CHD5: variants seen among roughly 807,000 people sequenced by gnomAD.
The protein encoded by CHD5 is chromodomain helicase DNA binding protein 5.
Under a neutral mutation model 230.3 loss-of-function variants are expected in CHD5, and 69 were observed. The ratio of observed to expected loss-of-function variants is 0.30; its 90% CI spans 0.25 to 0.37. The LOEUF is 0.37. CHD5 is among the 10% of genes least tolerant of loss of function. The probability of loss-of-function intolerance (pLI) is 1.00; values close to 1 mark genes in which losing one functional copy is unlikely to be tolerated. For missense variants in CHD5, 1,827 were observed against 2,622.8 expected, an observed-to-expected ratio of 0.70 and a Z score of 6.63; for synonymous variants, 1,064 against 1,065.9, an observed-to-expected ratio of 1.00 and a Z score of 0.03.
chr1:6,134,291 G>T lies in CHD5; in HGVS notation c.3013-32C>A. 2 of 1,607,110 alleles carry T rather than the reference G, an allele frequency of 1.2e-6. No homozygotes were observed. On this transcript the variant is annotated intron_variant, in intron 19 of 41. Coordinates refer to ENST00000262450, the MANE Select transcript of CHD5 (RefSeq NM_015557.3). The surrounding 1 kb of genome is among the most constrained non-coding windows in gnomAD (Gnocchi z 6.3). Reference sequence around the variant, plus strand: ...ACACAGCAGGAGGTGGGGCATTGGTGGGCTCCCCTCTCCTCTCTGACTCTG... The same window carrying T: ...ACACAGCAGGAGGTGGGGCATTGGTTGGCTCCCCTCTCCTCTCTGACTCTG...
intron 15 of CHD5, among the ~76,000 whole-genome samples, chr1:6,138,739 T>G (rs1666782607): frequency 1.3e-5 from 2 of 152,158 alleles, no homozygotes; most frequent in Admixed American, 1.3e-4. Flanking sequence ...TACCATATGA[T>G]CCGGCAGTTC....
chr1:6,119,177 C>T (rs1271934157), intron 33 of CHD5, among the ~76,000 whole-genome samples: 4 of 151,236 alleles, frequency 2.6e-5, no homozygotes, highest in Middle Eastern at 3.5e-3. Flanking sequence ...GACGGAATCT[C>T]GCTCTGTCAC....
intron 7 of CHD5, among the ~76,000 whole-genome samples, chr1:6,150,435 T>C (rs1253318976): frequency 1.6e-5 from 2 of 121,926 alleles, no homozygotes; most frequent in African/African-American, 7.8e-5. Context: ...GATGATAGGA[T>C]GGATGGATGG....
At chr1:6,175,240 G>A (rs925391637) in intron 1 of CHD5, among the ~76,000 whole-genome samples, 4 of 149,312 alleles carry the variant, frequency 2.7e-5, no homozygotes, top group African/African-American at 1.0e-4. Flanking sequence ...TTGGATTGTG[G>A]ATTGATGGAT....
rs147573083 is a variant in CHD5 at position 6,135,250 on chromosome 1, C to T, written c.2850G>A (p.Val950=). 25 of 1,613,976 alleles carry T rather than the reference C, an allele frequency of 1.5e-5. No homozygotes were observed. Among genetic ancestry groups the T allele is most frequent in the Non-Finnish European group, 2.0e-5 (24 of 1,180,024 alleles). Reference sequence around the variant, plus strand: ...CTCACTTCTGCATCTGGCTCAGCTCCACCCGGACAATGAGCTCGGTCTTGG... The same window carrying T: ...CTCACTTCTGCATCTGGCTCAGCTCTACCCGGACAATGAGCTCGGTCTTGG... ...MPAKTELIVR[V]ELSQMQKKYY... is the part of the protein sequence containing the mutation. The change falls in exon 18 of 42, where the codon GTG becomes GTA. Residue 950 remains valine, a synonymous_variant. Transcript: ENST00000262450.
Position 6,128,303 on chromosome 1 carries a change from C to T in CHD5, c.3731-85G>A. On this transcript the variant is annotated intron_variant, in intron 24 of 41. Coordinates refer to ENST00000262450, the MANE Select transcript of CHD5 (RefSeq NM_015557.3). This position sits in a 1 kb window ranked among gnomAD's most constrained non-coding sequence, Gnocchi z 7.8. ...CCAGGAACAGACTCCCAACAATGGC[C>T]CTTCCCATCCCCAGCAGGGGCTGCA... is the stretch of plus-strand genomic sequence containing the variant. The T allele has an allele frequency of 7.2e-7, 1 of 1,387,484 alleles. No individual in the cohort carries two copies. Among genetic ancestry groups the T allele is most frequent in the Non-Finnish European group, 1.0e-6 (1 of 999,064 alleles). 85.9% of individuals were successfully genotyped at this position (1,387,484 alleles called of 1,614,324 possible). A position where few individuals can be genotyped will look rare whatever the true frequency, so the allele number is the denominator to read the frequency against.
intron 1 of CHD5, among the ~76,000 whole-genome samples, chr1:6,173,311 A>G (rs1306068631): frequency 3.3e-5 from 5 of 151,774 alleles, no homozygotes; most frequent in African/African-American, 9.7e-5. Context: ...TCACCATGTT[A>G]GCCAGGATGG....
rs1666640693 is a variant in CHD5, at chr1:6,130,675, C to T, written c.3263-347G>A. Among the ~76,000 whole-genome samples the T allele has an allele frequency of 6.6e-6, 1 of 152,182 alleles. No individual in the cohort carries two copies. Among genetic ancestry groups the T allele is most frequent in the Admixed American group, 6.5e-5 (1 of 15,288 alleles). ...GAGAGCTCAGAGTCCTTCATGTCCC[C>T]GCAGCTTCCCACCCCTGGCTTCCCT... is the stretch of plus-strand genomic sequence containing the variant. On this transcript the variant is annotated intron_variant, in intron 21 of 41. Coordinates refer to ENST00000262450, the MANE Select transcript of CHD5 (RefSeq NM_015557.3). This position sits in a 1 kb window ranked among gnomAD's most constrained non-coding sequence, Gnocchi z 4.9.
chr1:6,165,673 T>C (rs774205544), intron 2 of CHD5, among the ~76,000 whole-genome samples: 1 of 151,356 alleles, frequency 6.6e-6, no homozygotes, highest in Non-Finnish European at 1.5e-5. Context: ...CAGAGCCATC[T>C]ACCCCATGCC....
chr1:6,111,865 T>C lies in CHD5; in HGVS notation c.5159A>G (p.Gln1720Arg), dbSNP rs1666296632. The change falls in exon 36 of 42, where the codon CAG (glutamine) becomes CGG (arginine). Residue 1720 changes from glutamine to arginine, a missense_variant. Physicochemically the swap from Gln to Arg is conservative, Grantham distance 43. Transcript: ENST00000262450. Reference sequence around the variant, plus strand: ...GGATACAGCAGCCCGCTCCTCGTTCTGCCACAGCGTGTGCAACTCTGGGAA... The same window carrying C: ...GGATACAGCAGCCCGCTCCTCGTTCCGCCACAGCGTGTGCAACTCTGGGAA... ...GGFTELHTLW[Q>R]NEERAAVSSG... 9 of 1,613,144 alleles carry C rather than the reference T, an allele frequency of 5.6e-6. No homozygotes were observed. The highest frequency in any genetic ancestry group is 1.3e-5 in the African/African-American group (1 of 74,928).
chr1:6,160,931 C>T (rs769353148), intron 2 of CHD5, among the ~76,000 whole-genome samples: 20 of 152,216 alleles, frequency 1.3e-4, no homozygotes, highest in Non-Finnish European at 2.5e-4. Flanking sequence ...CCTCCACAGC[C>T]CCTTCCCAGG....
intron 34 of CHD5, among the ~76,000 whole-genome samples, 156 bp from the exon 35 acceptor site, chr1:6,112,433 G>A (rs1357540996): frequency 6.6e-6 from 1 of 152,156 alleles, no homozygotes; most frequent in Non-Finnish European, 1.5e-5. Context: ...ACAAGCCAAC[G>A]GCCTCTCTCT....
intron 33 of CHD5, among the ~76,000 whole-genome samples, chr1:6,116,192 C>T (rs1271707668): frequency 6.6e-6 from 1 of 152,168 alleles, no homozygotes; most frequent in East Asian, 1.9e-4. Flanking sequence ...TGGTTCATTG[C>T]TTGTGTCCTC....
chr1:6,112,010 G>C (rs1281056159), intron 35 of CHD5, 127 bp from the exon 36 acceptor site: 1 of 1,389,088 alleles, frequency 7.2e-7, no homozygotes, highest in East Asian at 2.3e-5. Flanking sequence ...TTCCAGGGTG[G>C]CTAAGAAAGG....
At chr1:6,174,373 C>T (rs4908861) in intron 1 of CHD5, among the ~76,000 whole-genome samples, 21,385 of 152,044 alleles carry the variant, frequency 0.14, 3,013 homozygotes, top group African/African-American at 0.37. Flanking sequence ...GATGGGTGGA[C>T]GGATAATTGT....
At chr1:6,159,803 C>G (rs897893635) in intron 2 of CHD5, among the ~76,000 whole-genome samples, 2 of 152,276 alleles carry the variant, frequency 1.3e-5, no homozygotes, top group Non-Finnish European at 2.9e-5. Context: ...GCAGGCTTCT[C>G]CATCTGCAAG....
chr1:6,130,064 C>G lies in CHD5; in HGVS notation c.3387+140G>C, dbSNP rs1043219974. On this transcript the variant is annotated intron_variant, in intron 22 of 41. Coordinates refer to ENST00000262450, the MANE Select transcript of CHD5 (RefSeq NM_015557.3). The surrounding 1 kb of genome is among the most constrained non-coding windows in gnomAD (Gnocchi z 4.9). ...TCACTCCCAGAGCCCCTCTTGGGGC[C>G]GAGACTCCACGGGGGAGGGAGGCCC... 1.0e-6 allele frequency: 1 copy of G among 974,162 alleles called. No individual in the cohort carries two copies. Among genetic ancestry groups the G allele is most frequent in the East Asian group, 2.5e-5 (1 of 40,806 alleles). The allele number at this position is 974,162 out of a possible 1,614,324, so 60.3% of individuals were successfully genotyped here. A position where few individuals can be genotyped will look rare whatever the true frequency, so the allele number is the denominator to read the frequency against.
chr1:6,121,316 G>C lies in CHD5; in HGVS notation c.4780-79C>G, dbSNP rs1040976165. The C allele has an allele frequency of 1.3e-6, 2 of 1,562,730 alleles. No homozygotes were observed. Among genetic ancestry groups the C allele is most frequent in the Non-Finnish European group, 1.7e-6 (2 of 1,151,716 alleles). ...AGGGCGGGGAACGTGCGCTGGGCTG[G>C]GAACCCAGTCTCCTGGCTCCCGTCG... On this transcript the variant is annotated intron_variant, in intron 32 of 41. Coordinates refer to ENST00000262450, the MANE Select transcript of CHD5 (RefSeq NM_015557.3). The surrounding 1 kb of genome is among the most constrained non-coding windows in gnomAD (Gnocchi z 4.5).
chr1:6,128,500 T>G lies in CHD5; in HGVS notation c.3729A>C (p.Pro1243=). The G allele has an allele frequency of 6.2e-7, 1 of 1,612,230 alleles. No individual in the cohort carries two copies. Among genetic ancestry groups the G allele is most frequent in the South Asian group, 1.1e-5 (1 of 90,978 alleles). ...SAKKKHGSTP[P]GDNKDVEDSS... is the part of the protein sequence containing the mutation. The stretch of plus-strand genomic sequence containing the variant: ...AGGCTGGGCTGGGTTGGCCCCTACC[T>G]GGCGGGGTGCTACCGTGCTTCTTCT... The change falls in exon 24 of 42, where the codon CCA becomes CCC. Residue 1243 remains proline (P), a splice_region_variant and synonymous_variant. Coordinates refer to ENST00000262450, the MANE Select transcript of CHD5 (RefSeq NM_015557.3). This position sits in a 1 kb window ranked among gnomAD's most constrained non-coding sequence, Gnocchi z 7.8.
Sources: gnomAD v4.1 joint callset for allele counts (sites outside exome capture counted in the v4.1 genomes callset) on GRCh38, gnomAD v4.1.1 for gene constraint, Gnocchi (gnomAD v3.1) non-coding constraint, MANE v1.5 for transcripts, NCBI Gene and HGNC (gene_info 2026-07-23, HGNC 2026-07-21) for gene names.